Variants in BTBD8 observed in about 807,000 individuals in gnomAD.
BTBD8 encodes BTB domain containing 8, also known as BTB/POZ domain-containing protein 8.
A neutral mutation model predicts 162.9 loss-of-function variants in BTBD8; 110 were observed. That is an observed-to-expected ratio of 0.68 (90% CI 0.58 to 0.79). BTBD8 has a LOEUF of 0.79. BTBD8 is among the 30% of genes least tolerant of loss of function. BTBD8 has a pLI of 0.00. For synonymous variants in BTBD8, 667 were observed against 716.1 expected (o/e 0.93, Z 1.10); for missense variants, 1,905 against 2,085.4 (o/e 0.91, Z 1.68).
Position 92,141,118 on chromosome 1 carries a change from GATACTCA to G in BTBD8, c.841_847del (p.Leu281TrpfsTer7), listed in dbSNP as rs1557454188. 1.3e-6 allele frequency: 2 copies of G among 1,547,644 alleles called. No homozygotes were observed. Among genetic ancestry groups the G allele is most frequent in the South Asian group, 2.5e-5 (2 of 80,852 alleles). On this transcript the variant is annotated frameshift_variant, in exon 7 of 18. Transcript: ENST00000636805. LOFTEE classifies it high-confidence loss of function. Reference sequence around the variant, plus strand: ...AGTGCATCTATTTTTATTTTAGTCAGATACTCAATATGGCTGATATGTATGGACTAGA... The same window carrying G: ...AGTGCATCTATTTTTATTTTAGTCAGATATGGCTGATATGTATGGACTAGA...
At chr1:92,119,346 C>T (rs1180506267) in intron 4 of BTBD8, among the ~76,000 whole-genome samples, 6 of 144,770 alleles carry the variant, frequency 4.1e-5, no homozygotes, top group African/African-American at 7.8e-5. Flanking sequence ...AGTACAGTGA[C>T]GCGATCATGG....
chr1:92,149,929 T>C (rs1474135409), intron 9 of BTBD8, among the ~76,000 whole-genome samples: 2 of 152,154 alleles, frequency 1.3e-5, no homozygotes, highest in Non-Finnish European at 2.9e-5. Context: ...CAGTTTGTTC[T>C]CACTCTCCCC....
At chr1:92,113,515 T>C (rs1243554661) in intron 4 of BTBD8, among the ~76,000 whole-genome samples, 2 of 152,206 alleles carry the variant, frequency 1.3e-5, no homozygotes, top group Non-Finnish European at 2.9e-5. Flanking sequence ...CCAAGAAAAG[T>C]TGGGCAAGGC....
At chr1:92,116,479 G>A (rs1325812332) in intron 4 of BTBD8, among the ~76,000 whole-genome samples, 1 of 151,978 alleles carries the variant, frequency 6.6e-6, no homozygotes, top group African/African-American at 2.4e-5. Context: ...AGTTCTGTCA[G>A]TTTTTGCTTC....
intron 1 of BTBD8, among the ~76,000 whole-genome samples, chr1:92,082,753 CA>C (rs1648052729): frequency 6.6e-6 from 1 of 152,074 alleles, no homozygotes; most frequent in South Asian, 2.1e-4. Context: ...GTCAAAAAGC[CA>C]GCTCCAATGT....
chr1:92,180,399 C>A lies in BTBD8; in HGVS notation c.2716C>A (p.His906Asn), dbSNP rs760165097. Reference protein sequence around the residue: ...APKRKMVKQVHTALPKVNAKI... With the variant: ...APKRKMVKQVNTALPKVNAKI... ...TAAGAGAAAAATGGTCAAGCAAGTA[C>A]ACACAGCTTTGCCTAAGGTTAATGC... The change falls in exon 17 of 18, where the codon CAC (histidine) becomes AAC (asparagine). Residue 906 changes from histidine (H) to asparagine (N), a missense_variant. His to Asn is a moderately conservative substitution (Grantham distance 68). This residue lies in a region of BTBD8 where 1,374 missense variants were observed against 1,442.7 expected (regional missense o/e 0.95). Coordinates refer to ENST00000636805, the MANE Select transcript of BTBD8 (RefSeq NM_001376131.1). The A allele has an allele frequency of 6.4e-7, 1 of 1,551,630 alleles. No individual in the cohort carries two copies. The highest frequency in any genetic ancestry group is 2.0e-5 in the Admixed American group (1 of 51,000).
In BTBD8 at chr1:92,127,110, G is replaced by A. The variant is rs558557944; in HGVS notation, c.663-2577G>A. ...GTTTTGTTTATATCTTGTTATTAAC[G>A]TTTTCCCTCCAGTTCTGAAATATTT... is the stretch of plus-strand genomic sequence containing the variant. On this transcript the variant is annotated intron_variant, in intron 4 of 17. Transcript: ENST00000636805. Among the ~76,000 whole-genome samples the A allele has an allele frequency of 1.4e-4, 22 of 152,126 alleles. 1 individual carries two copies. The highest frequency in any genetic ancestry group is 4.3e-4 in the African/African-American group (18 of 41,510).
At position 92,126,573 on chromosome 1, in the gene BTBD8, T is replaced by C. The variant is rs1649366815; in HGVS notation, c.663-3114T>C. On this transcript the variant is annotated intron_variant, in intron 4 of 17. Coordinates refer to ENST00000636805, the MANE Select transcript of BTBD8 (RefSeq NM_001376131.1). ...GCCAAATGGACACTGGCATCACAGC[T>C]TCTTGTCTGTTTATATATTAAAAGT... The C allele has an allele frequency of 7.1e-6, 3 of 424,848 alleles. No individual in the cohort carries two copies. In the Admixed American group the frequency reaches 8.7e-5, roughly 12 times the overall value. The allele number at this position is 424,848 out of a possible 1,614,324, so 26.3% of individuals were successfully genotyped here.
chr1:92,126,014 C>T, intron 4 of BTBD8: 1 of 468,350 alleles, frequency 2.1e-6, no homozygotes, highest in East Asian at 5.3e-5. Context: ...ACCGAGGCAG[C>T]TGTAGAAGAA....
rs1394669320 is a variant in BTBD8 at position 92,177,510 on chromosome 1, A to G, written c.2317A>G (p.Lys773Glu). Residue 773 changes from lysine (K) to glutamate (E), a missense_variant, in exon 14 of 18, where the codon AAA (lysine) becomes GAA (glutamate). Lys to Glu is a moderately conservative substitution (Grantham distance 56, BLOSUM62 1). This residue lies in a region of BTBD8 where 1,374 missense variants were observed against 1,442.7 expected (regional missense o/e 0.95). Coordinates refer to ENST00000636805, the MANE Select transcript of BTBD8 (RefSeq NM_001376131.1). ...SFCDSPGQMMKNSVDSVKNST... is the reference protein window; with the variant it reads ...SFCDSPGQMMENSVDSVKNST... ...TTGTGATTCTCCAGGACAGATGATG[A>G]AAAACAGTGTAGATAGTGTCAAAAA... is the stretch of plus-strand genomic sequence containing the variant. 5 of 1,549,870 alleles carry G rather than the reference A, an allele frequency of 3.2e-6. No homozygotes were observed. Among genetic ancestry groups the G allele is most frequent in the African/African-American group, 1.4e-5 (1 of 72,928 alleles).
intron 2 of BTBD8, among the ~76,000 whole-genome samples, chr1:92,091,386 T>C (rs1648294177): frequency 6.6e-6 from 1 of 152,192 alleles, no homozygotes; most frequent in Non-Finnish European, 1.5e-5. Flanking sequence ...TAAACCTCTT[T>C]TCATTATAAA....
intron 3 of BTBD8, 55 bp from the exon 4 acceptor site, chr1:92,107,829 T>G: frequency 7.1e-7 from 1 of 1,415,440 alleles, no homozygotes; most frequent in Non-Finnish European, 9.6e-7. Context: ...AGAAAACAAT[T>G]TTTGGACGTT....
At chr1:92,111,149 G>A (rs1197362528) in intron 4 of BTBD8, among the ~76,000 whole-genome samples, 3 of 151,554 alleles carry the variant, frequency 2.0e-5, no homozygotes, top group South Asian at 4.2e-4. Flanking sequence ...ACACCACCAC[G>A]CTTGGCTCAT....
chr1:92,146,033 T>C (rs1649909882), intron 7 of BTBD8, among the ~76,000 whole-genome samples: 1 of 152,156 alleles, frequency 6.6e-6, no homozygotes, highest in African/African-American at 2.4e-5. Flanking sequence ...TCTTCTTATC[T>C]GAGATCAATA....
At chr1:92,154,721 T>A (rs1042953039) in intron 9 of BTBD8, among the ~76,000 whole-genome samples, 1 of 152,186 alleles carries the variant, frequency 6.6e-6, no homozygotes, top group African/African-American at 2.4e-5. Flanking sequence ...TTTTTCCCCA[T>A]TCTGTAGATT....
At chr1:92,091,459 GTGTGTA>G (rs965775927) in intron 2 of BTBD8, among the ~76,000 whole-genome samples, 8 of 152,050 alleles carry the variant, frequency 5.3e-5, no homozygotes, top group African/African-American at 7.2e-5. Flanking sequence ...TCGTGTGTGT[GTGTGTA>G]TGTGTATGTG....
intron 9 of BTBD8, among the ~76,000 whole-genome samples, chr1:92,162,102 T>G (rs140065535): frequency 6.6e-6 from 1 of 152,330 alleles, no homozygotes; most frequent in East Asian, 1.9e-4. Flanking sequence ...GATTGTATAT[T>G]GGCAGCGTTT....
At chr1:92,099,476 A>G (rs1375945964) in intron 2 of BTBD8, among the ~76,000 whole-genome samples, 1 of 151,536 alleles carries the variant, frequency 6.6e-6, no homozygotes, top group African/African-American at 2.4e-5. Context: ...TAATCTGTAG[A>G]TCAATTCAGA....
chr1:92,148,927 C>T (rs1329884471), intron 9 of BTBD8, among the ~76,000 whole-genome samples: 7 of 152,170 alleles, frequency 4.6e-5, no homozygotes, highest in African/African-American at 1.7e-4. Flanking sequence ...GCAGTACTCC[C>T]AGGCTCTATG....
Sources: allele counts gnomAD v4.1 joint callset (sites outside exome capture counted in the v4.1 genomes callset), GRCh38; gene constraint gnomAD v4.1.1; regional missense constraint gnomAD v4.1.1; transcripts MANE v1.5; gene names NCBI Gene and HGNC (gene_info 2026-07-23, HGNC 2026-07-21).